Variants in DNAH14 observed in about 807,000 individuals in gnomAD.
DNAH14 encodes the protein axonemal beta dynein heavy chain 14.
DNAH14 carries 478 observed loss-of-function variants against 520.9 expected under a neutral mutation model. The ratio of observed to expected loss-of-function variants is 0.92; its 90% confidence interval spans 0.85 to 0.99. The LOEUF (loss-of-function observed/expected upper bound fraction) is 0.99, where lower values mean the gene tolerates loss of function less well. DNAH14 is among the 50% of genes least tolerant of loss of function. The pLI is 0.00. For missense variants in DNAH14, 4,831 were observed against 5,234.5 expected, an observed-to-expected ratio of 0.92 and a Z score of 2.38; for synonymous variants, 1,581 against 1,757.2, an observed-to-expected ratio of 0.90 and a Z score of 2.51.
chr1:225,343,029 T>C (rs1240196584), intron 69 of DNAH14, among the ~76,000 whole-genome samples: 1 of 152,224 alleles, frequency 6.6e-6, no homozygotes, highest in African/African-American at 2.4e-5. Flanking sequence ...CAATGTCTTG[T>C]ATCAGTGCAG....
intron 23 of DNAH14, among the ~76,000 whole-genome samples, chr1:225,113,348 T>G (rs1373288690): frequency 6.6e-6 from 1 of 152,186 alleles, no homozygotes; most frequent in Non-Finnish European, 1.5e-5. Flanking sequence ...TCATTCTCTG[T>G]GTGCTGAGCT....
At chr1:225,080,249 T>C (rs2072961674) in intron 18 of DNAH14, 130 bp from the exon 19 acceptor site, 1 of 948,046 alleles carries the variant, frequency 1.1e-6, no homozygotes, top group Non-Finnish European at 1.5e-6. Context: ...CAAATGGTAA[T>C]GATAGTTCCA....
At chr1:225,155,674 T>A (rs1483275207) in intron 34 of DNAH14, among the ~76,000 whole-genome samples, 1 of 152,182 alleles carries the variant, frequency 6.6e-6, no homozygotes, top group African/African-American at 2.4e-5. Context: ...ACAGGAAATC[T>A]AAAGTTTGCA....
At chr1:225,041,153 T>C (rs1422045299) in intron 12 of DNAH14, among the ~76,000 whole-genome samples, 1 of 152,216 alleles carries the variant, frequency 6.6e-6, no homozygotes, top group Admixed American at 6.6e-5. Context: ...TTTTGTCCCA[T>C]AGCCCAAGTT....
intron 36 of DNAH14, among the ~76,000 whole-genome samples, chr1:225,168,994 A>G (rs959061821): frequency 5.3e-5 from 8 of 152,290 alleles, no homozygotes; most frequent in African/African-American, 9.6e-5. Context: ...CTGTTCCCCA[A>G]TATTTACTGT....
At chr1:225,392,173 T>C in intron 83 of DNAH14, 118 bp from the exon 84 acceptor site, 1 of 1,274,398 alleles carries the variant, frequency 7.8e-7, no homozygotes, top group East Asian at 2.5e-5. Context: ...CCATCTCTTT[T>C]GTTCTCTCTT....
At position 225,117,708 on chromosome 1, in the gene DNAH14, A is replaced by G. The variant is rs1230285006; in HGVS notation, c.3892A>G (p.Ile1298Val). 3 of 1,548,356 alleles carry G rather than the reference A, an allele frequency of 1.9e-6. No homozygotes were observed. Among genetic ancestry groups the G allele is most frequent in the Non-Finnish European group, 2.6e-6 (3 of 1,146,342 alleles). ...GGATTACCTTGAAGTTAAAAGATTA[A>G]TTTTCCCAAGATTTTACTTTCTTAG... ...LEDYLEVKRLIFPRFYFLSNA... is the reference protein window; with the variant it reads ...LEDYLEVKRLVFPRFYFLSNA... The change falls in exon 24 of 86, where the codon ATT becomes GTT. Residue 1298 changes from isoleucine (I) to valine (V), a missense_variant. Ile to Val is a conservative substitution (Grantham distance 29, BLOSUM62 3). Coordinates refer to ENST00000682510, the MANE Select transcript of DNAH14 (RefSeq NM_001367479.1).
At position 225,289,865 on chromosome 1, in the gene DNAH14, G is replaced by A; in HGVS notation, c.8272-20G>A. 3 of 1,334,046 alleles carry A rather than the reference G, an allele frequency of 2.2e-6. No individual in the cohort carries two copies. The highest frequency in any genetic ancestry group is 2.3e-5 in the South Asian group (1 of 42,896). The allele number at this position is 1,334,046 out of a possible 1,614,324, so 82.6% of individuals were successfully genotyped here. A position where few individuals can be genotyped will look rare whatever the true frequency, so the allele number is the denominator to read the frequency against. Reference sequence around the variant, plus strand: ...TCCCAGAAAATGTATGTCATGTGTTGTATTTCTTTTCTCCCAAAGATTGGA... The same window carrying A: ...TCCCAGAAAATGTATGTCATGTGTTATATTTCTTTTCTCCCAAAGATTGGA... On this transcript the variant is annotated intron_variant, in intron 54 of 85. Transcript: ENST00000682510.
At chr1:225,043,276 G>GAAAA (rs10671374) in intron 13 of DNAH14, among the ~76,000 whole-genome samples, 162 bp downstream of exon 13, 6,320 of 97,954 alleles carry the variant, frequency 0.065, 374 homozygotes, top group Non-Finnish European at 0.091. Flanking sequence ...GTCTCTTGGG[G>GAAAA]AAAAAAAAAA....
chr1:225,225,939 C>T (rs902479524), intron 41 of DNAH14, among the ~76,000 whole-genome samples: 3 of 152,210 alleles, frequency 2.0e-5, no homozygotes, highest in Non-Finnish European at 2.9e-5. Context: ...CCTCAGACAA[C>T]ACAATCCCCA....
At chr1:225,001,155 C>G (rs1289155297) in intron 8 of DNAH14, among the ~76,000 whole-genome samples, 1 of 148,788 alleles carries the variant, frequency 6.7e-6, no homozygotes, top group Non-Finnish European at 1.5e-5. Flanking sequence ...TTACTGGTTT[C>G]TTCAGCTTCA....
At chr1:225,325,408 C>T (rs920796479) in intron 64 of DNAH14, among the ~76,000 whole-genome samples, 9 of 151,484 alleles carry the variant, frequency 5.9e-5, no homozygotes, top group Non-Finnish European at 5.9e-5. Flanking sequence ...TCTCTTGAAC[C>T]CGGGAGAAGG....
intron 20 of DNAH14, 64 bp downstream of exon 20, chr1:225,082,803 C>A: frequency 1.5e-6 from 2 of 1,314,784 alleles, no homozygotes; most frequent in Non-Finnish European, 2.1e-6. Flanking sequence ...TTTAAATAGG[C>A]GAGTAAATAT....
chr1:225,363,251 G>A (rs1237551868), intron 75 of DNAH14, among the ~76,000 whole-genome samples: 1 of 152,038 alleles, frequency 6.6e-6, no homozygotes, highest in Non-Finnish European at 1.5e-5. Flanking sequence ...AGTGTTCATT[G>A]TTGATTATTT....
intron 61 of DNAH14, among the ~76,000 whole-genome samples, chr1:225,319,892 G>T (rs1188045760): frequency 6.6e-6 from 1 of 152,112 alleles, no homozygotes; most frequent in Non-Finnish European, 1.5e-5. Context: ...ACAGAAATGT[G>T]CTTCTTGGGT....
At chr1:225,279,812 T>A (rs1056501080) in intron 54 of DNAH14, among the ~76,000 whole-genome samples, 2 of 151,862 alleles carry the variant, frequency 1.3e-5, no homozygotes, top group African/African-American at 4.8e-5. Context: ...AAGTAGTTAA[T>A]AGGAACTGTC....
At chr1:225,065,052 GT>G (rs2070692578) in intron 17 of DNAH14, among the ~76,000 whole-genome samples, 1 of 151,924 alleles carries the variant, frequency 6.6e-6, no homozygotes, top group South Asian at 2.1e-4. Context: ...ACCTAGAATG[GT>G]TGTGGAATTA....
chr1:225,384,395 G>C (rs2095815931), intron 81 of DNAH14, among the ~76,000 whole-genome samples: 1 of 151,992 alleles, frequency 6.6e-6, no homozygotes, highest in African/African-American at 2.4e-5. Context: ...AACTGAAAGA[G>C]ATAGAGACAC....
intron 8 of DNAH14, among the ~76,000 whole-genome samples, chr1:224,976,901 T>C (rs1040714005): frequency 1.6e-4 from 25 of 151,598 alleles, no homozygotes; most frequent in African/African-American, 5.8e-4. Context: ...GACTGTAAAC[T>C]AGTTCAACCA....
Sources: gnomAD v4.1 joint callset for allele counts (sites outside exome capture counted in the v4.1 genomes callset) on GRCh38, gnomAD v4.1.1 for gene constraint, MANE v1.5 for transcripts, NCBI Gene and HGNC (gene_info 2026-07-23, HGNC 2026-07-21) for gene names.